EXOC6B: variants seen among roughly 807,000 people sequenced by gnomAD.
The protein encoded by EXOC6B is exocyst complex component 6B, also known as SEC15 homolog B.
A neutral mutation model predicts 113.5 loss-of-function variants in EXOC6B; 54 were observed. That is an observed-to-expected ratio of 0.48 (90% CI 0.38 to 0.60). EXOC6B has a LOEUF of 0.60. EXOC6B is among the 20% of genes least tolerant of loss of function. EXOC6B has a pLI of 0.00. For synonymous variants in EXOC6B, 357 were observed against 339.0 expected (o/e 1.05, Z -0.58); for missense variants, 797 against 977.5 (o/e 0.82, Z 2.46).
intron 18 of EXOC6B, among the ~76,000 whole-genome samples, chr2:72,435,149 T>C (rs1450648751): frequency 6.6e-6 from 1 of 152,220 alleles, no homozygotes; most frequent in African/African-American, 2.4e-5. Context: ...ATTTCTGCCT[T>C]AATTTTGTTA....
chr2:72,228,733 T>C (rs370062704), intron 20 of EXOC6B, among the ~76,000 whole-genome samples: 7 of 152,208 alleles, frequency 4.6e-5, no homozygotes, highest in Admixed American at 3.9e-4. Context: ...CATACGTGTG[T>C]ATGTGTCTTT....
intron 18 of EXOC6B, among the ~76,000 whole-genome samples, chr2:72,446,083 GGC>G (rs1696557875): frequency 6.6e-6 from 1 of 152,108 alleles, no homozygotes; most frequent in South Asian, 2.1e-4. Context: ...AAAGCAGTAT[GGC>G]AATTTCTCAA....
chr2:72,438,626 G>GA (rs1363910516), intron 18 of EXOC6B, among the ~76,000 whole-genome samples: 2 of 151,384 alleles, frequency 1.3e-5, no homozygotes, highest in Admixed American at 6.6e-5. Flanking sequence ...TATCTCTCGA[G>GA]AAAAAAAACA....
At chr2:72,471,578 A>C (rs1188726624) in intron 17 of EXOC6B, among the ~76,000 whole-genome samples, 1 of 152,132 alleles carries the variant, frequency 6.6e-6, no homozygotes, top group Non-Finnish European at 1.5e-5. Context: ...GTTTTCTTCT[A>C]GGGTTTTTAT....
rs183970638 is a variant in EXOC6B at position 72,362,087 on chromosome 2, A to T, written c.2122+17642T>A. Among the ~76,000 whole-genome samples, 33 of 152,276 alleles carry T rather than the reference A, an allele frequency of 2.2e-4. 1 individual carries two copies. The highest frequency in any genetic ancestry group is 2.0e-3 in the Admixed American group (30 of 15,290). On this transcript the variant is annotated intron_variant, in intron 19 of 21. Transcript: ENST00000272427. ...TATTATGGTAAGAATGGTGATATGG[A>T]AGGCTTTAGAAGCCCGTGTTCCCTT...
intron 20 of EXOC6B, among the ~76,000 whole-genome samples, chr2:72,251,006 T>C (rs1682980528): frequency 6.6e-6 from 1 of 151,826 alleles, no homozygotes; most frequent in South Asian, 2.1e-4. Context: ...TTGTGTATTT[T>C]TTATGGAGAC....
chr2:72,408,541 G>C (rs1210260478), intron 18 of EXOC6B, among the ~76,000 whole-genome samples: 1 of 152,116 alleles, frequency 6.6e-6, no homozygotes, highest in African/African-American at 2.4e-5. Flanking sequence ...GAACAGAATA[G>C]AGCCCTCAGA....
At chr2:72,355,082 C>T (rs1689893744) in intron 19 of EXOC6B, among the ~76,000 whole-genome samples, 1 of 152,144 alleles carries the variant, frequency 6.6e-6, no homozygotes, top group Non-Finnish European at 1.5e-5. Context: ...TCGCTATTTT[C>T]ATCCTACACA....
chr2:72,798,174 A>G (rs1352315175), intron 1 of EXOC6B, among the ~76,000 whole-genome samples: 2 of 152,200 alleles, frequency 1.3e-5, no homozygotes, highest in Non-Finnish European at 2.9e-5. Context: ...AAGAACACCT[A>G]CAAAGACAAA....
chr2:72,739,024 A>G (rs558424919), intron 2 of EXOC6B, among the ~76,000 whole-genome samples: 5 of 152,326 alleles, frequency 3.3e-5, no homozygotes, highest in Non-Finnish European at 5.9e-5. Flanking sequence ...AAATAGTCAT[A>G]CTGTTCATAC....
At chr2:72,396,425 T>G (rs552557711) in intron 18 of EXOC6B, among the ~76,000 whole-genome samples, 2 of 152,118 alleles carry the variant, frequency 1.3e-5, no homozygotes, top group Non-Finnish European at 2.9e-5. Flanking sequence ...TGAAAAAAAT[T>G]TGCCTGGCTA....
At chr2:72,575,767 T>C (rs1704808660) in intron 6 of EXOC6B, 99 bp from the exon 7 acceptor site, 1 of 1,094,010 alleles carries the variant, frequency 9.1e-7, no homozygotes, top group East Asian at 2.7e-5. Flanking sequence ...AATTAAGCTT[T>C]CAACAAACTT....
chr2:72,526,272 T>C (rs1313328539), intron 8 of EXOC6B, among the ~76,000 whole-genome samples: 1 of 151,838 alleles, frequency 6.6e-6, no homozygotes, highest in African/African-American at 2.4e-5. Flanking sequence ...TTGTTAATAG[T>C]CCTCATAATG....
At chr2:72,211,430 A>G (rs1163583424) in intron 20 of EXOC6B, among the ~76,000 whole-genome samples, 4 of 152,176 alleles carry the variant, frequency 2.6e-5, no homozygotes, top group Non-Finnish European at 5.9e-5. Context: ...GTCTGGTATA[A>G]GCTCAGGACT....
intron 16 of EXOC6B, among the ~76,000 whole-genome samples, chr2:72,485,528 C>T (rs1184425253): frequency 6.6e-6 from 1 of 152,178 alleles, no homozygotes; most frequent in Non-Finnish European, 1.5e-5. Context: ...CATTTCACCC[C>T]AGTCAGGGTA....
intron 20 of EXOC6B, among the ~76,000 whole-genome samples, chr2:72,294,310 C>G (rs1298501714): frequency 6.6e-6 from 1 of 151,952 alleles, no homozygotes; most frequent in African/African-American, 2.4e-5. Context: ...TTATTATAAT[C>G]ATTCTACTCT....
intron 18 of EXOC6B, among the ~76,000 whole-genome samples, chr2:72,426,736 G>C (rs889514585): frequency 6.6e-6 from 1 of 152,178 alleles, no homozygotes; most frequent in African/African-American, 2.4e-5. Flanking sequence ...AGTGTTACTG[G>C]TAAGAACTTT....
chr2:72,266,662 G>A (rs1412043779), intron 20 of EXOC6B, among the ~76,000 whole-genome samples: 6 of 152,124 alleles, frequency 3.9e-5, no homozygotes, highest in South Asian at 4.1e-4. Context: ...CTGTAGCCTT[G>A]TAGTATGGTT....
intron 6 of EXOC6B, among the ~76,000 whole-genome samples, chr2:72,669,256 A>G (rs1379744627): frequency 1.3e-5 from 2 of 152,056 alleles, no homozygotes; most frequent in Admixed American, 1.3e-4. Flanking sequence ...TGCAGAAGAA[A>G]TTTTCACAAT....
Sources: allele counts gnomAD v4.1 joint callset (sites outside exome capture counted in the v4.1 genomes callset), GRCh38; gene constraint gnomAD v4.1.1; transcripts MANE v1.5; gene names NCBI Gene and HGNC (gene_info 2026-07-23, HGNC 2026-07-21).